Variants in PTPRK observed in about 807,000 individuals in gnomAD.
PTPRK encodes the protein protein tyrosine phosphatase receptor type K, also known as receptor-type tyrosine-protein phosphatase kappa.
Under a neutral mutation model 178.0 loss-of-function variants are expected in PTPRK, and 75 were observed. That is an observed-to-expected ratio of 0.42 (90% CI 0.35 to 0.51). PTPRK has a LOEUF of 0.51. Ranked by LOEUF, PTPRK falls within the 20% of genes least tolerant of loss-of-function variation. The probability of loss-of-function intolerance (pLI) is 0.02; values close to 1 mark genes in which losing one functional copy is unlikely to be tolerated. For synonymous variants in PTPRK, 637 were observed against 620.6 expected (o/e 1.03, Z -0.39); for missense variants, 1,441 against 1,797.8 (o/e 0.80, Z 3.59).
intron 1 of PTPRK, chr6:128,501,175 C>T (rs1169305490): frequency 6.6e-6 from 1 of 152,118 alleles, no homozygotes; most frequent in African/African-American, 2.4e-5. Flanking sequence ...CTGTGCCCAG[C>T]CTGAAATCTA....
At chr6:128,293,454 C>T (rs1823746195) in intron 3 of PTPRK, among the ~76,000 whole-genome samples, 1 of 152,010 alleles carries the variant, frequency 6.6e-6, no homozygotes, top group African/African-American at 2.4e-5. Context: ...TAGGCAGGTG[C>T]CCTCATGACT....
rs151176656 is a variant in PTPRK at position 128,353,824 on chromosome 6, C to G, written c.224-31514G>C. ...TATCGTGGTAGTTACTATGACTCTA[C>G]ACATGATAAAACTGGAAATAACACA... On this transcript the variant is annotated intron_variant, in intron 2 of 29. Transcript: ENST00000368226. 2.5e-3 allele frequency among the ~76,000 whole-genome samples: 383 copies of G among 152,226 alleles called. 1 individual carries two copies. Among genetic ancestry groups the G allele is most frequent in the Non-Finnish European group, 4.2e-3 (288 of 68,018 alleles).
chr6:128,182,183 T>G (rs550490295), intron 7 of PTPRK, among the ~76,000 whole-genome samples: 13 of 152,106 alleles, frequency 8.5e-5, no homozygotes, highest in Non-Finnish European at 1.8e-4. Context: ...CTGAAAGCAT[T>G]TTATGCCACA....
At chr6:128,297,026 G>A (rs1824562505) in intron 3 of PTPRK, among the ~76,000 whole-genome samples, 1 of 151,130 alleles carries the variant, frequency 6.6e-6, no homozygotes, top group African/African-American at 2.4e-5. Context: ...AAGGATGGAG[G>A]AAGATCTACC....
At chr6:128,035,492 G>A (rs1168370790) in intron 13 of PTPRK, among the ~76,000 whole-genome samples, 1 of 152,050 alleles carries the variant, frequency 6.6e-6, no homozygotes, top group African/African-American at 2.4e-5. Flanking sequence ...TACAATATAA[G>A]GCAAGTTGGG....
rs183935865 is a variant in PTPRK, at chr6:128,007,380, C to T, written c.2333+1750G>A. On this transcript the variant is annotated intron_variant, in intron 14 of 29. Coordinates refer to ENST00000368226, the MANE Select transcript of PTPRK (RefSeq NM_002844.4). ...TGATGGTGAGGAACAGAAGCAAAAGCCCTAGCATACTTTCTATCAAAAGAC... is the reference window on the plus strand; with the variant it reads ...TGATGGTGAGGAACAGAAGCAAAAGTCCTAGCATACTTTCTATCAAAAGAC... Among the ~76,000 whole-genome samples the T allele has an allele frequency of 7.3e-5, 11 of 150,900 alleles. No individual in the cohort carries two copies. The East Asian group carries it at 1.2e-3, about 16-fold the overall frequency.
At position 128,274,208 on chromosome 6, in the gene PTPRK, C is replaced by G. The variant is rs967889870; in HGVS notation, c.496-31606G>C. 2.0e-5 allele frequency among the ~76,000 whole-genome samples: 3 copies of G among 152,096 alleles called. 1 individual carries two copies. Among genetic ancestry groups the G allele is most frequent in the Admixed American group, 2.0e-4 (3 of 15,256 alleles). ...GAAACAATAGGTTTTAAAATTATAACACTAAATTATTGTTGCTTTGTTGTT... is the reference window on the plus strand; with the variant it reads ...GAAACAATAGGTTTTAAAATTATAAGACTAAATTATTGTTGCTTTGTTGTT... On this transcript the variant is annotated intron_variant, in intron 3 of 29. Transcript: ENST00000368226.
intron 1 of PTPRK, among the ~76,000 whole-genome samples, chr6:128,514,841 C>T (rs115793366): frequency 2.6e-4 from 40 of 152,194 alleles, no homozygotes; most frequent in African/African-American, 8.9e-4. Context: ...AAAAACCTCA[C>T]GAAACTAAGT....
At chr6:128,062,261 G>C (rs1399095442) in intron 13 of PTPRK, 1 of 165,252 alleles carries the variant, frequency 6.1e-6, no homozygotes, top group Non-Finnish European at 1.5e-5. Flanking sequence ...ACCCAGGCTG[G>C]AGTGCAGTGG....
intron 1 of PTPRK, among the ~76,000 whole-genome samples, chr6:128,443,073 T>C (rs949119595): frequency 1.3e-5 from 2 of 151,156 alleles, no homozygotes; most frequent in Non-Finnish European, 2.9e-5. Context: ...CATGATAACA[T>C]AGTACACTTC....
intron 7 of PTPRK, among the ~76,000 whole-genome samples, chr6:128,124,979 C>T (rs1365236480): frequency 6.6e-6 from 1 of 152,220 alleles, no homozygotes; most frequent in Non-Finnish European, 1.5e-5. Flanking sequence ...ACCATTGACT[C>T]TCCTGTTCTC....
intron 3 of PTPRK, among the ~76,000 whole-genome samples, chr6:128,312,335 T>C (rs1827355531): frequency 6.6e-6 from 1 of 152,204 alleles, no homozygotes; most frequent in Admixed American, 6.5e-5. Context: ...AAAGAGAGGT[T>C]CTGGTTTCTA....
chr6:128,355,908 G>C (rs988257026), intron 2 of PTPRK, among the ~76,000 whole-genome samples: 5 of 152,206 alleles, frequency 3.3e-5, no homozygotes, highest in African/African-American at 1.2e-4. Flanking sequence ...TAAGAATGCT[G>C]CTGAGTGCAG....
chr6:127,982,199 G>A (rs1290710516), intron 24 of PTPRK, among the ~76,000 whole-genome samples: 1 of 151,972 alleles, frequency 6.6e-6, no homozygotes, highest in Admixed American at 6.6e-5. Context: ...GTCAAAATCT[G>A]TATGACTGCA....
chr6:128,398,688 T>A (rs1272487942), intron 1 of PTPRK, among the ~76,000 whole-genome samples: 1 of 152,240 alleles, frequency 6.6e-6, no homozygotes, highest in Non-Finnish European at 1.5e-5. Context: ...GTGATATCTT[T>A]CATGCTTTAT....
chr6:128,058,912 T>A (rs1780357827), intron 13 of PTPRK, among the ~76,000 whole-genome samples: 1 of 151,938 alleles, frequency 6.6e-6, no homozygotes, highest in Admixed American at 6.6e-5. Context: ...GGAAAAACTG[T>A]CATTTATTGA....
At chr6:128,397,815 CTGTT>C in intron 1 of PTPRK, 127 bp from the exon 2 acceptor site, 1 of 855,916 alleles carries the variant, frequency 1.2e-6, no homozygotes, top group Non-Finnish European at 1.7e-6. Flanking sequence ...AATGGTACTC[CTGTT>C]TATCACTATT....
intron 3 of PTPRK, among the ~76,000 whole-genome samples, chr6:128,308,542 G>A (rs1173432360): frequency 1.3e-5 from 2 of 151,962 alleles, no homozygotes; most frequent in East Asian, 3.9e-4. Flanking sequence ...GATAGTATAG[G>A]CTTTTATATC....
At chr6:128,274,715 T>G (rs1361343693) in intron 3 of PTPRK, among the ~76,000 whole-genome samples, 4 of 152,060 alleles carry the variant, frequency 2.6e-5, no homozygotes, top group African/African-American at 4.8e-5. Context: ...GTGACAAGTA[T>G]GTTGTCTCAA....
Sources: gnomAD v4.1 joint callset for allele counts (sites outside exome capture counted in the v4.1 genomes callset) on GRCh38, gnomAD v4.1.1 for gene constraint, MANE v1.5 for transcripts, NCBI Gene and HGNC (gene_info 2026-07-23, HGNC 2026-07-21) for gene names.